Variants in MAJIN observed in about 807,000 individuals in gnomAD.
MAJIN encodes membrane-anchored junction protein.
MAJIN carries 27 observed loss-of-function variants against 30.2 expected under a neutral mutation model. That is an observed-to-expected ratio of 0.89 (90% CI 0.66 to 1.23). MAJIN has a LOEUF of 1.23. MAJIN is among the 50% of genes most tolerant of loss of function. The pLI, the probability that MAJIN is intolerant of heterozygous loss-of-function variation, is 0.00. For missense variants in MAJIN, 253 were observed against 260.3 expected (o/e 0.97, Z 0.19); for synonymous variants, 78 against 91.6 (o/e 0.85, Z 0.85).
chr11:64,962,026 A>G (rs754283749), intron 1 of MAJIN, among the ~76,000 whole-genome samples: 4 of 151,892 alleles, frequency 2.6e-5, no homozygotes, highest in Non-Finnish European at 4.4e-5. Flanking sequence ...GCCTCAAGTG[A>G]TCCTCCTGCC....
At chr11:64,939,828 T>C (rs2136709225) in intron 9 of MAJIN, 61 bp from the exon 10 acceptor site, 1 of 1,486,858 alleles carries the variant, frequency 6.7e-7, no homozygotes, top group Non-Finnish European at 9.3e-7. Context: ...TTCATGTGAG[T>C]AGAAGGCCAA....
At chr11:64,967,420 AAAAAAGAAAAAG>A (rs757265091) in intron 1 of MAJIN, among the ~76,000 whole-genome samples, 8 of 150,030 alleles carry the variant, frequency 5.3e-5, no homozygotes, top group Admixed American at 4.1e-4. Context: ...AAAGAAAAAG[AAAAAAGAAAAAG>A]AAAAAGAAAA....
At position 64,940,569 on chromosome 11, in the gene MAJIN, C is replaced by T; in HGVS notation, c.546+5G>A. 1 of 1,612,256 alleles carries T rather than the reference C, an allele frequency of 6.2e-7. No individual in the cohort carries two copies. Among genetic ancestry groups the T allele is most frequent in the East Asian group, 2.2e-5 (1 of 44,874 alleles). ...GAGAATAAATGGAAATTTCCCAGGA[C>T]CTACCTTGTTTCTGGACATCAGTGA... On this transcript the variant is annotated splice_donor_5th_base_variant and intron_variant, in intron 9 of 10. Coordinates refer to ENST00000301896, the MANE Select transcript of MAJIN (RefSeq NM_001037225.3).
chr11:64,954,238 C>A (rs1945597296), intron 4 of MAJIN: 2 of 204,092 alleles, frequency 9.8e-6, no homozygotes, highest in Non-Finnish European at 2.0e-5. Context: ...TAAAGTTGAT[C>A]ACCTGCTCAG....
rs185533382 is a variant in MAJIN at position 64,943,529 on chromosome 11, A to G, written c.474-2883T>C. On this transcript the variant is annotated intron_variant, in intron 8 of 10. Transcript: ENST00000301896. ...GCAATGGACCATAGGAGCAAATTCA[A>G]TTTTTCCAGCTCAAGTGACTTACAC... is the stretch of plus-strand genomic sequence containing the variant. Among the ~76,000 whole-genome samples, 104 of 152,292 alleles carry G rather than the reference A, an allele frequency of 6.8e-4. No individual in the cohort carries two copies. The East Asian group carries it at 8.7e-3, about 13-fold the overall frequency.
intron 7 of MAJIN, 27 bp from the exon 8 acceptor site, chr11:64,947,492 C>T: frequency 2.5e-6 from 4 of 1,594,638 alleles, no homozygotes; most frequent in Non-Finnish European, 3.4e-6. Flanking sequence ...ATGCCTGTGA[C>T]TCCTCCTTTC....
In MAJIN at chr11:64,949,861, G is replaced by A; in HGVS notation, c.231C>T (p.Ser77=). 1 of 1,603,762 alleles carries A rather than the reference G, an allele frequency of 6.2e-7. No homozygotes were observed. The highest frequency in any genetic ancestry group is 1.1e-5 in the South Asian group (1 of 91,072). The stretch of plus-strand genomic sequence containing the variant: ...TCAGGTGGGAAACTCTCTCCCATTT[G>A]CTTTTATCTGGAAAATGGTGCTAAG... The part of the protein sequence containing the change: ...TEHFIVFPYK[S]KWERVSHLKF... Residue 77 remains serine, a synonymous_variant, in exon 6 of 11, where the codon AGC becomes AGT. Transcript: ENST00000301896.
intron 9 of MAJIN, 196 bp from the exon 10 acceptor site, chr11:64,939,963 T>C (rs1945349770): frequency 2.1e-6 from 1 of 480,766 alleles, no homozygotes. Flanking sequence ...CAGAGTATTT[T>C]CAGTCAAGCT....
intron 7 of MAJIN, 94 bp downstream of exon 7, chr11:64,947,694 G>A (rs920818771): frequency 2.2e-6 from 3 of 1,385,564 alleles, no homozygotes; most frequent in Non-Finnish European, 3.1e-6. Context: ...CAGCAACTGA[G>A]GGCAAAGTAA....
At chr11:64,961,045 C>T (rs2136801378) in intron 1 of MAJIN, among the ~76,000 whole-genome samples, 1 of 152,306 alleles carries the variant, frequency 6.6e-6, no homozygotes, top group African/African-American at 2.4e-5. Context: ...GGAACCCAGG[C>T]TAGTTTTGAT....
chr11:64,940,672 C>T, intron 8 of MAJIN, 26 bp from the exon 9 acceptor site: 1 of 1,604,678 alleles, frequency 6.2e-7, no homozygotes, highest in Non-Finnish European at 8.5e-7. Context: ...CCAAGAAAAG[C>T]CTTAAACTTT....
Position 64,947,464 on chromosome 11 carries a change from A to G in MAJIN, c.383T>C (p.Val128Ala). ...KPISDSPLGL[V>A]PVEKKAVGAV... is the part of the protein sequence containing the mutation. ...TCCTACTGCTTTCTTCTCAACTGGG[A>G]CCTTCAGGAGGAAGCAGATGCCTGT... The change falls in exon 8 of 11, where the codon GTC becomes GCC. Residue 128 changes from valine to alanine, a missense_variant and splice_region_variant. Val to Ala is a moderately conservative substitution (Grantham distance 64, BLOSUM62 0). Coordinates refer to ENST00000301896, the MANE Select transcript of MAJIN (RefSeq NM_001037225.3). The G allele has an allele frequency of 6.2e-7, 1 of 1,613,518 alleles. No individual in the cohort carries two copies. Among genetic ancestry groups the G allele is most frequent in the Non-Finnish European group, 8.5e-7 (1 of 1,179,764 alleles).
chr11:64,942,821 T>C (rs372720104), intron 8 of MAJIN, among the ~76,000 whole-genome samples: 1 of 151,462 alleles, frequency 6.6e-6, no homozygotes. Context: ...TTTGAGGGAA[T>C]GATTCTTACA....
intron 1 of MAJIN, among the ~76,000 whole-genome samples, chr11:64,970,838 A>G (rs898011884): frequency 6.6e-6 from 1 of 152,134 alleles, no homozygotes; most frequent in African/African-American, 2.4e-5. Context: ...GCAAGGTGCA[A>G]TCGGGCATTT....
At chr11:64,966,144 T>TTAAAAAA (rs1945804233) in intron 1 of MAJIN, among the ~76,000 whole-genome samples, 3 of 10,384 alleles carry the variant, frequency 2.9e-4, no homozygotes, top group South Asian at 1.4e-3. Flanking sequence ...AGATTAAAAA[T>TTAAAAAA]GAAAAAAAAA....
intron 4 of MAJIN, 23 bp from the exon 5 acceptor site, chr11:64,950,453 C>T (rs1565129914): frequency 6.3e-7 from 1 of 1,599,424 alleles, no homozygotes; most frequent in African/African-American, 1.3e-5. Context: ...TTTGAAATGA[C>T]TTTAACACTG....
At chr11:64,970,904 G>GA (rs1369408831) in intron 1 of MAJIN, among the ~76,000 whole-genome samples, 2 of 152,110 alleles carry the variant, frequency 1.3e-5, no homozygotes, top group African/African-American at 4.8e-5. Flanking sequence ...TGTTTCAGTG[G>GA]AAAAAATCTT....
intron 2 of MAJIN, 112 bp from the exon 3 acceptor site, chr11:64,959,534 A>C: frequency 1.4e-6 from 1 of 732,484 alleles, no homozygotes; most frequent in South Asian, 1.7e-5. Flanking sequence ...GTCCAACACT[A>C]AGCACTACTG....
chr11:64,964,655 C>T (rs572711015), intron 1 of MAJIN, among the ~76,000 whole-genome samples: 10 of 150,448 alleles, frequency 6.6e-5, no homozygotes, highest in East Asian at 2.0e-4. Flanking sequence ...AGTATGATGT[C>T]GGCTCACCGT....
Sources: gnomAD v4.1 joint callset for allele counts (sites outside exome capture counted in the v4.1 genomes callset) on GRCh38, gnomAD v4.1.1 for gene constraint, MANE v1.5 for transcripts, NCBI Gene and HGNC (gene_info 2026-07-23, HGNC 2026-07-21) for gene names.